STX18: variants seen among roughly 807,000 people sequenced by gnomAD.
The protein encoded by STX18 is syntaxin-18.
Under a neutral mutation model 50.1 loss-of-function variants are expected in STX18, and 40 were observed. The ratio of observed to expected loss-of-function variants is 0.80; its 90% CI spans 0.62 to 1.04. The LOEUF (loss-of-function observed/expected upper bound fraction) is 1.04. STX18 is among the 50% of genes least tolerant of loss of function. STX18 has a pLI of 0.00. For synonymous variants in STX18, 158 were observed against 151.8 expected (o/e 1.04, Z -0.30); for missense variants, 410 against 415.8 (o/e 0.99, Z 0.12).
At chr4:4,485,550 C>G (rs1293377347) in intron 1 of STX18, among the ~76,000 whole-genome samples, 1 of 152,114 alleles carries the variant, frequency 6.6e-6, no homozygotes, top group Non-Finnish European at 1.5e-5. Flanking sequence ...GACATGATGA[C>G]AGTGAAAATG....
intron 1 of STX18, among the ~76,000 whole-genome samples, chr4:4,473,052 C>T (rs1728000499): frequency 6.6e-6 from 1 of 152,194 alleles, no homozygotes; most frequent in Non-Finnish European, 1.5e-5. Context: ...TCAACACTTT[C>T]ACGTACATGG....
At chr4:4,487,247 G>T (rs1728739311) in intron 1 of STX18, among the ~76,000 whole-genome samples, 1 of 152,158 alleles carries the variant, frequency 6.6e-6, no homozygotes, top group African/African-American at 2.4e-5. Flanking sequence ...TGTCTGCATG[G>T]TCACACTAAG....
chr4:4,540,834 A>G (rs1163527231), intron 1 of STX18, among the ~76,000 whole-genome samples: 1 of 152,184 alleles, frequency 6.6e-6, no homozygotes, highest in Non-Finnish European at 1.5e-5. Context: ...CTGAGTGTCT[A>G]TACAGTGCCA....
rs1461145494 is a variant in STX18, at chr4:4,419,110, GT to G, written c.*923del. On this transcript the variant is annotated 3_prime_UTR_variant, in exon 11 of 11. Transcript: ENST00000306200. Reference sequence around the variant, plus strand: ...ACACACACGCATTTCACCAGGCGCAGTGCAGACTGTCTCATGCCCATGTGGG... The same window carrying G: ...ACACACACGCATTTCACCAGGCGCAGGCAGACTGTCTCATGCCCATGTGGG... The G allele has an allele frequency of 2.6e-5, 4 of 152,274 alleles. No homozygotes were observed. The highest frequency in any genetic ancestry group is 9.6e-5 in the African/African-American group (4 of 41,476). The allele number at this position is 152,274 out of a possible 1,614,324, so 9.4% of individuals were successfully genotyped here.
intron 1 of STX18, among the ~76,000 whole-genome samples, chr4:4,528,186 G>A (rs1435814584): frequency 6.6e-6 from 1 of 151,998 alleles, no homozygotes; most frequent in Non-Finnish European, 1.5e-5. Flanking sequence ...TCTCCTGCTG[G>A]AGCCTCCCAT....
chr4:4,526,448 C>T (rs1730762653), intron 1 of STX18, among the ~76,000 whole-genome samples: 1 of 152,138 alleles, frequency 6.6e-6, no homozygotes, highest in Non-Finnish European at 1.5e-5. Context: ...GCAAAAATGG[C>T]AGTCAGGGTG....
intron 1 of STX18, among the ~76,000 whole-genome samples, chr4:4,520,659 T>C (rs1338518856): frequency 6.6e-6 from 1 of 152,188 alleles, no homozygotes; most frequent in East Asian, 1.9e-4. Context: ...CTGGCCTTTG[T>C]TTGTGTTTAC....
At chr4:4,524,702 C>T (rs1683042371) in intron 1 of STX18, among the ~76,000 whole-genome samples, 1 of 152,198 alleles carries the variant, frequency 6.6e-6, no homozygotes, top group African/African-American at 2.4e-5. Context: ...TTTGGTTCAC[C>T]GAGTCCAGCC....
At chr4:4,424,382 G>A (rs938190499) in intron 8 of STX18, among the ~76,000 whole-genome samples, 3 of 152,100 alleles carry the variant, frequency 2.0e-5, no homozygotes, top group Non-Finnish European at 4.4e-5. Flanking sequence ...CAGTGGCAGG[G>A]GGCAGGGGAG....
intron 2 of STX18, chr4:4,461,808 C>T (rs1205671539): frequency 2.2e-6 from 1 of 453,296 alleles, no homozygotes; most frequent in Non-Finnish European, 4.4e-6. Context: ...CCAAATGACA[C>T]CTTGCCTCCT....
intron 3 of STX18, among the ~76,000 whole-genome samples, chr4:4,457,788 G>A (rs1181660341): frequency 1.3e-5 from 2 of 152,214 alleles, no homozygotes; most frequent in African/African-American, 4.8e-5. Context: ...GACCCCATCT[G>A]TGTTAACAGC....
chr4:4,493,690 A>G (rs570842125), intron 1 of STX18, among the ~76,000 whole-genome samples: 1 of 152,364 alleles, frequency 6.6e-6, no homozygotes, highest in Admixed American at 6.5e-5. Context: ...AATCTATACT[A>G]AAGCATCAAT....
chr4:4,427,669 G>C (rs1183414533), intron 7 of STX18, among the ~76,000 whole-genome samples: 1 of 152,178 alleles, frequency 6.6e-6, no homozygotes, highest in Non-Finnish European at 1.5e-5. Flanking sequence ...TTCATTCCTG[G>C]ACTGTTCCTT....
chr4:4,504,807 T>C (rs1384002320), intron 1 of STX18, among the ~76,000 whole-genome samples: 2 of 152,116 alleles, frequency 1.3e-5, no homozygotes, highest in Non-Finnish European at 2.9e-5. Context: ...AAATACCAAG[T>C]GTTGGTGAGA....
At chr4:4,532,885 T>C (rs1022027829) in intron 1 of STX18, among the ~76,000 whole-genome samples, 2 of 152,234 alleles carry the variant, frequency 1.3e-5, no homozygotes, top group Non-Finnish European at 2.9e-5. Flanking sequence ...AGAGTTTTCT[T>C]ATCATTTGAC....
intron 1 of STX18, among the ~76,000 whole-genome samples, chr4:4,504,414 G>A (rs1163802664): frequency 6.6e-6 from 1 of 152,128 alleles, no homozygotes; most frequent in African/African-American, 2.4e-5. Flanking sequence ...CTGAATATCT[G>A]TTTTGTGCCA....
intron 1 of STX18, chr4:4,478,697 T>C (rs1056965063): frequency 6.6e-6 from 1 of 152,274 alleles, no homozygotes; most frequent in Non-Finnish European, 1.5e-5. Context: ...CCCACTGCCA[T>C]GCATCATGTG....
intron 1 of STX18, among the ~76,000 whole-genome samples, chr4:4,530,643 T>C (rs1731049654): frequency 6.6e-6 from 1 of 152,176 alleles, no homozygotes; most frequent in African/African-American, 2.4e-5. Context: ...TTTGTTTTGT[T>C]TTTCCTAGCT....
intron 1 of STX18, among the ~76,000 whole-genome samples, chr4:4,526,278 G>A (rs1386760890): frequency 6.6e-6 from 1 of 152,098 alleles, no homozygotes; most frequent in Non-Finnish European, 1.5e-5. Flanking sequence ...TGGATGAGAC[G>A]GAGAGAAAGT....
Sources: allele counts gnomAD v4.1 joint callset (sites outside exome capture counted in the v4.1 genomes callset), GRCh38; gene constraint gnomAD v4.1.1; transcripts MANE v1.5; gene names NCBI Gene and HGNC (gene_info 2026-07-23, HGNC 2026-07-21).